Variants in DPH7 observed in about 807,000 individuals in gnomAD.
The protein encoded by DPH7 is diphthine methyltransferase.
Under a neutral mutation model 41.7 loss-of-function variants are expected in DPH7, and 44 were observed. The ratio of observed to expected loss-of-function variants is 1.05; its 90% confidence interval spans 0.83 to 1.36. The LOEUF is 1.36. DPH7 is among the 40% of genes most tolerant of loss of function. DPH7 has a pLI of 0.00. For synonymous variants in DPH7, 275 were observed against 238.0 expected, an observed-to-expected ratio of 1.16 and a Z score of -1.43; for missense variants, 629 against 577.5, an observed-to-expected ratio of 1.09 and a Z score of -0.91.
intron 5 of DPH7, among the ~76,000 whole-genome samples, chr9:137,571,710 C>A (rs1840470706): frequency 6.6e-6 from 1 of 152,044 alleles, no homozygotes; most frequent in South Asian, 2.1e-4. Context: ...ATCACTTGAA[C>A]CCAGGAGGTG....
chr9:137,571,569 C>T (rs1840441829), intron 5 of DPH7, among the ~76,000 whole-genome samples: 1 of 152,124 alleles, frequency 6.6e-6, no homozygotes, highest in African/African-American at 2.4e-5. Flanking sequence ...AGGTAGATCG[C>T]TTGAGCCTAG....
intron 2 of DPH7, among the ~76,000 whole-genome samples, chr9:137,576,756 G>C (rs1052131458): frequency 9.0e-4 from 137 of 152,306 alleles, no homozygotes; most frequent in African/African-American, 3.1e-3. Flanking sequence ...CGGGTGTGGT[G>C]GCGGGCGCCT....
chr9:137,557,097 C>T lies in DPH7; in HGVS notation c.950-1449G>A, dbSNP rs1258837338. On this transcript the variant is annotated intron_variant, in intron 8 of 8. Transcript: ENST00000277540. ...TAGTTTTTTCTATTTTTTGTGGCCA[C>T]GGAGTCTCACTATGTTGTCCAGGCT... Among the ~76,000 whole-genome samples the T allele has an allele frequency of 4.6e-5, 7 of 152,294 alleles. No individual in the cohort carries two copies. In the East Asian group the frequency reaches 1.4e-3, roughly 29 times the overall value.
In DPH7 at chr9:137,578,904, GC is replaced by G. The variant is rs1258578656; in HGVS notation, c.-128del. 4 of 1,046,242 alleles carry G rather than the reference GC, an allele frequency of 3.8e-6. No individual in the cohort carries two copies. Among genetic ancestry groups the G allele is most frequent in the Non-Finnish European group, 4.9e-6 (4 of 810,816 alleles). 64.8% of individuals were successfully genotyped at this position (1,046,242 alleles called of 1,614,324 possible). A position where few individuals can be genotyped will look rare whatever the true frequency, so the allele number is the denominator to read the frequency against. On this transcript the variant is annotated 5_prime_UTR_variant, in exon 1 of 9. Coordinates refer to ENST00000277540, the MANE Select transcript of DPH7 (RefSeq NM_138778.5). ...GCAGAGCCCCAGGGACACCGTCAGC[GC>G]GGGCCGCCTCTCTCGCGACTCCTTC... is the stretch of plus-strand genomic sequence containing the variant.
chr9:137,560,968 G>C (rs1838439730), intron 8 of DPH7, among the ~76,000 whole-genome samples: 2 of 145,962 alleles, frequency 1.4e-5, no homozygotes, highest in Non-Finnish European at 3.0e-5. Context: ...GTTGCAGTGG[G>C]CCGAGATCGT....
chr9:137,565,164 G>A lies in DPH7; in HGVS notation c.641-10C>T, dbSNP rs768508894. On this transcript the variant is annotated splice_polypyrimidine_tract_variant and intron_variant, in intron 5 of 8. Coordinates refer to ENST00000277540, the MANE Select transcript of DPH7 (RefSeq NM_138778.5). ...AGGCCATCGTCGCCCCCTGTGTGGAGAAAGAGAAGCATCAACACCACTAAT... is the reference window on the plus strand; with the variant it reads ...AGGCCATCGTCGCCCCCTGTGTGGAAAAAGAGAAGCATCAACACCACTAAT... The A allele has an allele frequency of 3.1e-6, 5 of 1,613,908 alleles. No homozygotes were observed. In the South Asian group the frequency reaches 5.5e-5, roughly 18 times the overall value.
intron 5 of DPH7, among the ~76,000 whole-genome samples, chr9:137,569,015 T>C (rs757951576): frequency 1.3e-5 from 2 of 152,020 alleles, no homozygotes; most frequent in Non-Finnish European, 2.9e-5. Flanking sequence ...AGCACTTGTT[T>C]AGGGGAACGA....
chr9:137,564,369 C>G, intron 8 of DPH7, 65 bp downstream of exon 8: 1 of 1,549,520 alleles, frequency 6.5e-7, no homozygotes, highest in Non-Finnish European at 8.7e-7. Flanking sequence ...AAGAGCCCAG[C>G]AGAGCGAGGG....
chr9:137,577,397 G>T, intron 2 of DPH7, 73 bp downstream of exon 2: 1 of 1,418,796 alleles, frequency 7.0e-7, no homozygotes, highest in Non-Finnish European at 9.8e-7. Flanking sequence ...CTTGTTGAAG[G>T]CATCAGGCAT....
At chr9:137,561,438 G>C (rs951117935) in intron 8 of DPH7, among the ~76,000 whole-genome samples, 1 of 151,632 alleles carries the variant, frequency 6.6e-6, no homozygotes, top group Non-Finnish European at 1.5e-5. Flanking sequence ...TACTCGGGAG[G>C]CTGAGGCAGG....
In DPH7 at chr9:137,564,417, C is replaced by G. The variant is rs770904652; in HGVS notation, c.949+17G>C. 13 of 1,602,774 alleles carry G rather than the reference C, an allele frequency of 8.1e-6. No homozygotes were observed. The South Asian group carries it at 1.4e-4, about 18-fold the overall frequency. On this transcript the variant is annotated intron_variant, in intron 8 of 8. Transcript: ENST00000277540. ...GTGCCCTGCCCTGAGGCCCAGCAGC[C>G]ACGGGTCCCCACTCACCCATTGCCT... is the stretch of plus-strand genomic sequence containing the variant.
In DPH7 at chr9:137,577,742, T is replaced by G. The variant is rs1841673780; in HGVS notation, c.154-139A>C. On this transcript the variant is annotated intron_variant, in intron 1 of 8. Coordinates refer to ENST00000277540, the MANE Select transcript of DPH7 (RefSeq NM_138778.5). ...CTGCCTGGAAGGAGAACCTCTGGTT[T>G]TCTGAGCTGGAGAAACGTCTATTAA... 4.3e-6 allele frequency: 5 copies of G among 1,172,858 alleles called. No homozygotes were observed. In the African/African-American group the frequency reaches 7.8e-5, roughly 18 times the overall value. 72.7% of individuals were successfully genotyped at this position (1,172,858 alleles called of 1,614,324 possible).
intron 5 of DPH7, among the ~76,000 whole-genome samples, chr9:137,572,289 G>A (rs926368750): frequency 6.6e-6 from 1 of 152,218 alleles, no homozygotes; most frequent in African/African-American, 2.4e-5. Flanking sequence ...TCAGGAAAAG[G>A]TGACTGAGAG....
At chr9:137,555,737 A>G in intron 8 of DPH7, 89 bp from the exon 9 acceptor site, 1 of 1,393,276 alleles carries the variant, frequency 7.2e-7, no homozygotes, top group East Asian at 2.4e-5. Flanking sequence ...GACTCCAAGA[A>G]CAGCCCCTCA....
rs962377827 is a variant in DPH7, at chr9:137,556,753, G to A, written c.950-1105C>T. Reference sequence around the variant, plus strand: ...GCGTCACAGGGCAGGCAGGACCTCCGCTAGTCTTTCATCCAGCAATCGCTC... The same window carrying A: ...GCGTCACAGGGCAGGCAGGACCTCCACTAGTCTTTCATCCAGCAATCGCTC... On this transcript the variant is annotated intron_variant, in intron 8 of 8. Coordinates refer to ENST00000277540, the MANE Select transcript of DPH7 (RefSeq NM_138778.5). The surrounding 1 kb of genome is among the most constrained non-coding windows in gnomAD (Gnocchi z 5.2). 6 of 453,878 alleles carry A rather than the reference G, an allele frequency of 1.3e-5. No homozygotes were observed. Among genetic ancestry groups the A allele is most frequent in the South Asian group, 3.1e-5 (2 of 64,362 alleles). 28.1% of individuals were successfully genotyped at this position (453,878 alleles called of 1,614,324 possible).
At position 137,557,193 on chromosome 9, in the gene DPH7, C is replaced by T. The variant is rs576031643; in HGVS notation, c.950-1545G>A. ...TGCTGTGACTGCGAGTGTCAGCCAC[C>T]GCACCCAGACAATACAAATTGTTTT... On this transcript the variant is annotated intron_variant, in intron 8 of 8. Coordinates refer to ENST00000277540, the MANE Select transcript of DPH7 (RefSeq NM_138778.5). Among the ~76,000 whole-genome samples, 27 of 152,322 alleles carry T rather than the reference C, an allele frequency of 1.8e-4. No homozygotes were observed. In the South Asian group the frequency reaches 1.9e-3, roughly 11 times the overall value.
chr9:137,564,346 A>AG lies in DPH7; in HGVS notation c.949+87dup, dbSNP rs1481710146. The AG allele has an allele frequency of 1.8e-5, 26 of 1,473,792 alleles. No individual in the cohort carries two copies. The Admixed American group carries it at 5.6e-4, about 32-fold the overall frequency. 91.3% of individuals were successfully genotyped at this position (1,473,792 alleles called of 1,614,324 possible). ...GAAGAGCCCAGCAGAGCAAGGGAGC[A>AG]GGGAGCTGAGGGAAGAGCCCAGCAG... On this transcript the variant is annotated intron_variant, in intron 8 of 8. Coordinates refer to ENST00000277540, the MANE Select transcript of DPH7 (RefSeq NM_138778.5).
rs1344494562 is a variant in DPH7 at position 137,576,160 on chromosome 9, T to C, written c.295A>G (p.Ile99Val). 1 of 1,613,784 alleles carries C rather than the reference T, an allele frequency of 6.2e-7. No homozygotes were observed. The highest frequency in any genetic ancestry group is 1.7e-5 in the Admixed American group (1 of 60,028). The change falls in exon 3 of 9, where the codon ATC (isoleucine) becomes GTC (valine). Residue 99 changes from isoleucine to valine, a missense_variant. By Grantham distance (29) the Ile-to-Val change is conservative. Coordinates refer to ENST00000277540, the MANE Select transcript of DPH7 (RefSeq NM_138778.5). ...AAGAGGGCATGTCCAGCCACCGGGA[T>C]GTGACACCTGAGGAGAGGGCCCACC... ...SAILDMKWCH[I>V]PVAGHALLGL... is the part of the protein sequence containing the mutation.
intron 3 of DPH7, 92 bp from the exon 4 acceptor site, chr9:137,574,935 C>G: frequency 6.3e-7 from 1 of 1,579,150 alleles, no homozygotes; most frequent in Non-Finnish European, 8.6e-7. Context: ...TCATCGTTCC[C>G]TCATTTACAA....
Sources: allele counts gnomAD v4.1 joint callset (sites outside exome capture counted in the v4.1 genomes callset), GRCh38; gene constraint gnomAD v4.1.1; non-coding constraint Gnocchi (gnomAD v3.1); transcripts MANE v1.5; gene names NCBI Gene and HGNC (gene_info 2026-07-23, HGNC 2026-07-21).